Variants in FMO1 observed in about 807,000 individuals in gnomAD.
FMO1 encodes flavin-containing monooxygenase 1.
Under a neutral mutation model 45.4 loss-of-function variants are expected in FMO1, and 36 were observed. That is an observed-to-expected ratio of 0.79 (90% CI 0.61 to 1.05). The LOEUF (loss-of-function observed/expected upper bound fraction) is 1.05, where lower values mean the gene tolerates loss of function less well. Ranked by LOEUF, FMO1 falls within the 50% of genes least tolerant of loss-of-function variation. FMO1 has a pLI of 0.00. For synonymous variants in FMO1, 228 were observed against 227.2 expected, an observed-to-expected ratio of 1.00 and a Z score of -0.03; for missense variants, 615 against 640.3, an observed-to-expected ratio of 0.96 and a Z score of 0.43.
At chr1:171,272,799 T>G (rs1660921942) in intron 3 of FMO1, among the ~76,000 whole-genome samples, 5 of 152,232 alleles carry the variant, frequency 3.3e-5, no homozygotes, top group African/African-American at 1.2e-4. Context: ...ACTAACCAAC[T>G]TTTGATTTTA....
chr1:171,265,893 A>G (rs1013145544), intron 2 of FMO1, among the ~76,000 whole-genome samples: 1 of 152,244 alleles, frequency 6.6e-6, no homozygotes, highest in Non-Finnish European at 1.5e-5. Context: ...TCACAGAGGT[A>G]TGTTGATTGA....
At chr1:171,271,134 C>T (rs1208133499) in intron 3 of FMO1, 4 of 887,238 alleles carry the variant, frequency 4.5e-6, no homozygotes, top group South Asian at 1.3e-5. Flanking sequence ...TGTATTTTTC[C>T]TTTAGCTTTG....
chr1:171,257,693 G>A (rs1280012876), intron 1 of FMO1: 1 of 254,592 alleles, frequency 3.9e-6, no homozygotes, highest in African/African-American at 2.3e-5. Flanking sequence ...TAAAGAGATT[G>A]TGTCTGACAA....
At chr1:171,281,261 G>A (rs1661349439) in intron 6 of FMO1, among the ~76,000 whole-genome samples, 1 of 152,192 alleles carries the variant, frequency 6.6e-6, no homozygotes, top group African/African-American at 2.4e-5. Flanking sequence ...CAAGCTCACT[G>A]AGTAGTAAGT....
chr1:171,280,921 T>G lies in FMO1; in HGVS notation c.763T>G (p.Leu255Val), dbSNP rs758593707. The stretch of plus-strand genomic sequence containing the variant: ...CCTCCCAACCCCAATTGTGACTTGG[T>G]TGATGGAGCGAAAGATAAACAACTG... ...NSLPTPIVTW[L>V]MERKINNWLN... Residue 255 changes from leucine (L) to valine (V), a missense_variant, in exon 6 of 9, where the codon TTG (leucine) becomes GTG (valine). Transcript: ENST00000617670. 1 of 1,613,926 alleles carries G rather than the reference T, an allele frequency of 6.2e-7. No homozygotes were observed. The highest frequency in any genetic ancestry group is 8.5e-7 in the Non-Finnish European group (1 of 1,179,860).
chr1:171,285,167 T>G (rs1661567676), intron 8 of FMO1, 35 bp from the exon 9 acceptor site: 2 of 1,398,078 alleles, frequency 1.4e-6, no homozygotes, highest in African/African-American at 1.5e-5. Context: ...AGTTTTTTTG[T>G]CTTCACCTTT....
chr1:171,265,087 C>G (rs1346625255), intron 2 of FMO1, among the ~76,000 whole-genome samples: 1 of 151,964 alleles, frequency 6.6e-6, no homozygotes, highest in Non-Finnish European at 1.5e-5. Context: ...AGACTGTTGT[C>G]AAATATAATA....
intron 1 of FMO1, among the ~76,000 whole-genome samples, chr1:171,257,582 C>A (rs1157782500): frequency 6.6e-6 from 1 of 152,150 alleles, no homozygotes; most frequent in Non-Finnish European, 1.5e-5. Context: ...ACCCGTGGTG[C>A]CACAGGTGTG....
intron 3 of FMO1, among the ~76,000 whole-genome samples, chr1:171,268,632 G>A (rs1325941590): frequency 1.3e-5 from 2 of 149,606 alleles, no homozygotes; most frequent in Middle Eastern, 6.8e-3. Flanking sequence ...TTTTTTCTCT[G>A]TTTCCTCTCC....
At chr1:171,253,359 C>T (rs115587833) in intron 1 of FMO1, among the ~76,000 whole-genome samples, 2,560 of 152,252 alleles carry the variant, frequency 0.017, 43 homozygotes, top group Middle Eastern at 0.044. Flanking sequence ...AAACCCTCTA[C>T]CTGCACCACG....
At chr1:171,277,559 C>A (rs1330112243) in intron 4 of FMO1, among the ~76,000 whole-genome samples, 1 of 152,128 alleles carries the variant, frequency 6.6e-6, no homozygotes, top group Non-Finnish European at 1.5e-5. Flanking sequence ...TAAGAGACAG[C>A]CACAGAGTCT....
intron 2 of FMO1, among the ~76,000 whole-genome samples, chr1:171,262,491 C>A (rs12726624): frequency 1.4e-4 from 21 of 152,048 alleles, no homozygotes; most frequent in African/African-American, 5.1e-4. Context: ...TCTTTTCCTC[C>A]GCACATGCAC....
chr1:171,267,670 T>G lies in FMO1; in HGVS notation c.260T>G (p.Phe87Cys). ...CCAAACTATGTGCCAAATTCTCAATTCCTGGAATATCTCAAAATGTATGCA... is the reference window on the plus strand; with the variant it reads ...CCAAACTATGTGCCAAATTCTCAATGCCTGGAATATCTCAAAATGTATGCA... ...DYPNYVPNSQFLEYLKMYANH... is the reference protein window; with the variant it reads ...DYPNYVPNSQCLEYLKMYANH... The change falls in exon 3 of 9, where the codon TTC becomes TGC. Residue 87 changes from phenylalanine to cysteine, a missense_variant. Coordinates refer to ENST00000617670, the MANE Select transcript of FMO1 (RefSeq NM_001282693.2). The G allele has an allele frequency of 1.2e-6, 2 of 1,614,122 alleles. No individual in the cohort carries two copies. The highest frequency in any genetic ancestry group is 1.6e-4 in the Middle Eastern group (1 of 6,062).
rs771972992 is a variant in FMO1, at chr1:171,282,315, G to A, written c.1165G>A (p.Ala389Thr). Residue 389 changes from alanine to threonine, a missense_variant, in exon 7 of 9, where the codon GCT (alanine) becomes ACT (threonine). Coordinates refer to ENST00000617670, the MANE Select transcript of FMO1 (RefSeq NM_001282693.2). Reference sequence around the variant, plus strand: ...TACAGGAGAAACACAAGCTCGGTGGGCTGTTCGAGTCCTGAAAGGTAAGTA... The same window carrying A: ...TACAGGAGAAACACAAGCTCGGTGGACTGTTCGAGTCCTGAAAGGTAAGTA... The part of the protein sequence containing the change: ...IPTGETQARW[A>T]VRVLKGVNKL... The A allele has an allele frequency of 5.0e-6, 8 of 1,610,526 alleles. No individual in the cohort carries two copies. In the African/African-American group the frequency reaches 1.1e-4, roughly 22 times the overall value.
At chr1:171,263,249 T>C (rs1660449519) in intron 2 of FMO1, among the ~76,000 whole-genome samples, 2 of 152,228 alleles carry the variant, frequency 1.3e-5, no homozygotes, top group Admixed American at 1.3e-4. Flanking sequence ...GATTGCTTCA[T>C]TGTTCCATTA....
At chr1:171,249,316 G>A (rs1212717810) in intron 1 of FMO1, among the ~76,000 whole-genome samples, 2 of 152,132 alleles carry the variant, frequency 1.3e-5, no homozygotes, top group Non-Finnish European at 2.9e-5. Flanking sequence ...TGGAGAAACT[G>A]AGTCCTTGGT....
chr1:171,265,002 A>G (rs1314995572), intron 2 of FMO1, among the ~76,000 whole-genome samples: 3 of 152,230 alleles, frequency 2.0e-5, no homozygotes, highest in African/African-American at 7.2e-5. Context: ...TCCTAACAAA[A>G]TTAAAAGGCG....
intron 2 of FMO1, among the ~76,000 whole-genome samples, chr1:171,263,077 C>T (rs1281230690): frequency 2.0e-5 from 3 of 152,128 alleles, no homozygotes; most frequent in Non-Finnish European, 2.9e-5. Flanking sequence ...AAGAAAAGAA[C>T]TGACCTGACA....
intron 3 of FMO1, chr1:171,270,733 T>C: frequency 8.8e-7 from 1 of 1,132,404 alleles, no homozygotes; most frequent in Middle Eastern, 3.8e-4. Flanking sequence ...ACCCGCATAC[T>C]GCACCAGGCA....
Sources: gnomAD v4.1 joint callset for allele counts (sites outside exome capture counted in the v4.1 genomes callset) on GRCh38, gnomAD v4.1.1 for gene constraint, MANE v1.5 for transcripts, NCBI Gene and HGNC (gene_info 2026-07-23, HGNC 2026-07-21) for gene names.